The following PCDHGA5 variants were observed in gnomAD, a reference collection of about 807,000 sequenced individuals.
PCDHGA5 encodes the protein protocadherin gamma-A5.
Under a neutral mutation model 56.7 loss-of-function variants are expected in PCDHGA5, and 36 were observed. The observed-to-expected ratio is 0.64, with a 90% CI of 0.49 to 0.84. PCDHGA5 has a LOEUF of 0.84. Among genes scored for constraint, PCDHGA5 ranks in the 40% least tolerant of loss-of-function variants. The probability of loss-of-function intolerance (pLI) is 0.00; values close to 1 mark genes in which losing one functional copy is unlikely to be tolerated. For synonymous variants in PCDHGA5, 563 were observed against 520.2 expected, an observed-to-expected ratio of 1.08 and a Z score of -1.12; for missense variants, 1,305 against 1,201.5, an observed-to-expected ratio of 1.09 and a Z score of -1.27.
At chr5:141,495,255 G>A (rs1055329757) in intron 2 of PCDHGA5, among the ~76,000 whole-genome samples, 5 of 152,212 alleles carry the variant, frequency 3.3e-5, no homozygotes, top group African/African-American at 1.2e-4. Flanking sequence ...GGCTCAGGCA[G>A]AAAAGCATTT....
At chr5:141,369,961 C>G (rs1766581774) in intron 1 of PCDHGA5, among the ~76,000 whole-genome samples, 1 of 152,090 alleles carries the variant, frequency 6.6e-6, no homozygotes, top group African/African-American at 2.4e-5. Flanking sequence ...TGCCCTTTGA[C>G]AAGTAAAAGG....
chr5:141,475,749 A>G (rs1039777629), intron 1 of PCDHGA5, among the ~76,000 whole-genome samples: 13 of 152,278 alleles, frequency 8.5e-5, no homozygotes, highest in Admixed American at 6.5e-5. Context: ...TAGGTTTCCT[A>G]TGCACCGATA....
chr5:141,375,838 C>T (rs527863161), intron 1 of PCDHGA5: 1 of 1,614,128 alleles, frequency 6.2e-7, no homozygotes, highest in Admixed American at 1.7e-5. Flanking sequence ...CAGAGCCCGG[C>T]TACCTGGTGA....
intron 1 of PCDHGA5, chr5:141,367,477 C>A (rs1199717010): frequency 6.6e-6 from 1 of 152,048 alleles, no homozygotes; most frequent in Non-Finnish European, 1.5e-5. Context: ...GAGGAGCTTG[C>A]AGTAAGCCGA....
chr5:141,432,715 C>T lies in PCDHGA5; in HGVS notation c.2422-62092C>T. 1 of 1,613,996 alleles carries T rather than the reference C, an allele frequency of 6.2e-7. No individual in the cohort carries two copies. The highest frequency in any genetic ancestry group is 8.5e-7 in the Non-Finnish European group (1 of 1,179,970). ...TGGCCGTCCAGGACCACGGCCAGCC[C>T]CCTCTCTCCGCCACTGTCACGCTCA... On this transcript the variant is annotated intron_variant, in intron 1 of 3. Transcript: ENST00000518069. This position sits in a 1 kb window ranked among gnomAD's most constrained non-coding sequence, Gnocchi z 6.0.
intron 1 of PCDHGA5, chr5:141,382,938 C>G (rs1778602174): frequency 6.3e-7 from 1 of 1,592,964 alleles, no homozygotes; most frequent in Admixed American, 1.7e-5. Context: ...ACAGAGGATT[C>G]TTCCTGCTCT....
rs776685212 is a variant in PCDHGA5 at position 141,370,880 on chromosome 5, A to T, written c.2421+4129A>T. The stretch of plus-strand genomic sequence containing the variant: ...TGGAATCTGCGCAAGATCCTGATGT[A>T]GGTGTCAATTCGCTGCAGCAGTACT... On this transcript the variant is annotated intron_variant, in intron 1 of 3. Coordinates refer to ENST00000518069, the MANE Select transcript of PCDHGA5 (RefSeq NM_018918.3). 4 of 1,614,042 alleles carry T rather than the reference A, an allele frequency of 2.5e-6. No individual in the cohort carries two copies. In the South Asian group the frequency reaches 3.3e-5, roughly 13 times the overall value.
chr5:141,431,288 C>T lies in PCDHGA5; in HGVS notation c.2422-63519C>T, dbSNP rs2097358193. ...GAGCTACGAGCTCAGCCCGAACACT[C>T]ACTTCTCCCTCATCGTGCAAAATGG... On this transcript the variant is annotated intron_variant, in intron 1 of 3. Transcript: ENST00000518069. This position sits in a 1 kb window ranked among gnomAD's most constrained non-coding sequence, Gnocchi z 4.8. 1 of 1,614,152 alleles carries T rather than the reference C, an allele frequency of 6.2e-7. No individual in the cohort carries two copies. Among genetic ancestry groups the T allele is most frequent in the East Asian group, 2.2e-5 (1 of 44,890 alleles).
chr5:141,410,569 T>C (rs908906606), intron 1 of PCDHGA5: 1 of 1,612,242 alleles, frequency 6.2e-7, no homozygotes, highest in African/African-American at 1.3e-5. Context: ...GAGCCTTAAT[T>C]CCACCTCATG....
At chr5:141,504,817 G>T in intron 2 of PCDHGA5, among the ~76,000 whole-genome samples, 1 of 151,940 alleles carries the variant, frequency 6.6e-6, no homozygotes, top group East Asian at 1.9e-4. Flanking sequence ...TACCTCCTAG[G>T]TCCCCACTTT....
At chr5:141,454,123 C>CT (rs1273558932) in intron 1 of PCDHGA5, among the ~76,000 whole-genome samples, 5 of 152,194 alleles carry the variant, frequency 3.3e-5, no homozygotes, top group Non-Finnish European at 7.3e-5. Flanking sequence ...GAAGAAATAG[C>CT]TGACCATGGG....
At chr5:141,372,294 G>T (rs536487253) in intron 1 of PCDHGA5, 39 of 1,613,162 alleles carry the variant, frequency 2.4e-5, no homozygotes, top group Non-Finnish European at 2.9e-5. Flanking sequence ...TACCTTGGGC[G>T]ACAGGGAGGC....
At chr5:141,430,351 A>G (rs923321842) in intron 1 of PCDHGA5, among the ~76,000 whole-genome samples, 5 of 152,046 alleles carry the variant, frequency 3.3e-5, no homozygotes, top group African/African-American at 1.2e-4. Flanking sequence ...CAATTCATTT[A>G]AAAGCTCATT....
At chr5:141,377,761 T>C (rs917483532) in intron 1 of PCDHGA5, 27 of 152,190 alleles carry the variant, frequency 1.8e-4, no homozygotes, top group African/African-American at 5.8e-4. Context: ...GGACACCAGA[T>C]CTTTGGTGTT....
intron 1 of PCDHGA5, chr5:141,400,181 A>T: frequency 6.2e-7 from 1 of 1,614,034 alleles, no homozygotes; most frequent in Non-Finnish European, 8.5e-7. Flanking sequence ...GCTGAGCTGC[A>T]GTTTTACCTA....
At chr5:141,394,060 C>T (rs1437765710) in intron 1 of PCDHGA5, 1 of 1,613,662 alleles carries the variant, frequency 6.2e-7, no homozygotes, top group Non-Finnish European at 8.5e-7. Context: ...GAAAATGTCT[C>T]TATCTACAAT....
intron 2 of PCDHGA5, among the ~76,000 whole-genome samples, chr5:141,499,283 G>T (rs1460838051): frequency 6.6e-6 from 1 of 152,066 alleles, no homozygotes; most frequent in Non-Finnish European, 1.5e-5. Context: ...TTCTCTGATG[G>T]CTCCACACTA....
chr5:141,462,078 C>T (rs2154567608), intron 1 of PCDHGA5, among the ~76,000 whole-genome samples: 1 of 152,304 alleles, frequency 6.6e-6, no homozygotes, highest in East Asian at 1.9e-4. Flanking sequence ...CCGCCTTGGC[C>T]TCCCAAAATG....
intron 1 of PCDHGA5, among the ~76,000 whole-genome samples, chr5:141,479,135 G>C (rs1236040845): frequency 6.6e-6 from 1 of 152,126 alleles, no homozygotes; most frequent in East Asian, 1.9e-4. Flanking sequence ...TGTGCACCCT[G>C]CTTACAAAAT....
Sources: allele counts gnomAD v4.1 joint callset (sites outside exome capture counted in the v4.1 genomes callset), GRCh38; gene constraint gnomAD v4.1.1; non-coding constraint Gnocchi (gnomAD v3.1); transcripts MANE v1.5; gene names NCBI Gene and HGNC (gene_info 2026-07-23, HGNC 2026-07-21).